The following CAMK4 variants were observed in gnomAD, a reference collection of about 807,000 sequenced individuals.
CAMK4 encodes calcium/calmodulin-dependent protein kinase type IV.
CAMK4 carries 22 observed loss-of-function variants against 44.9 expected under a neutral mutation model. The ratio of observed to expected loss-of-function variants is 0.49; its 90% CI spans 0.35 to 0.70. The LOEUF (loss-of-function observed/expected upper bound fraction) is 0.70. Among genes scored for constraint, CAMK4 ranks in the 30% least tolerant of loss-of-function variants. The probability of loss-of-function intolerance (pLI) is 0.01; values close to 1 mark genes in which losing one functional copy is unlikely to be tolerated. For synonymous variants in CAMK4, 218 were observed against 215.4 expected, an observed-to-expected ratio of 1.01 and a Z score of -0.11; for missense variants, 498 against 586.8, an observed-to-expected ratio of 0.85 and a Z score of 1.56.
intron 1 of CAMK4, among the ~76,000 whole-genome samples, chr5:111,282,114 T>A (rs891589596): frequency 6.6e-6 from 1 of 152,148 alleles, no homozygotes; most frequent in African/African-American, 2.4e-5. Context: ...ATTTATTGCA[T>A]TTTTTCTTCA....
intron 7 of CAMK4, among the ~76,000 whole-genome samples, chr5:111,458,732 T>A (rs533877314): frequency 6.6e-6 from 1 of 151,958 alleles, no homozygotes; most frequent in East Asian, 1.9e-4. Flanking sequence ...AAGCAAAAAT[T>A]TGAGAGAGGA....
At chr5:111,342,913 C>T (rs59089264) in intron 1 of CAMK4, among the ~76,000 whole-genome samples, 18,861 of 151,428 alleles carry the variant, frequency 0.12, 2,119 homozygotes, top group African/African-American at 0.29. Context: ...CTGTTGTTGT[C>T]GTACATTTTT....
At chr5:111,478,105 T>A (rs1048915710) in intron 8 of CAMK4, among the ~76,000 whole-genome samples, 1 of 151,144 alleles carries the variant, frequency 6.6e-6, no homozygotes, top group Non-Finnish European at 1.5e-5. Context: ...AGAATTATAA[T>A]AATAATTATT....
rs1175588932 is a variant in CAMK4, at chr5:111,491,515, A to G, written c.*7049A>G. On this transcript the variant is annotated 3_prime_UTR_variant, in exon 11 of 11. Coordinates refer to ENST00000282356, the MANE Select transcript of CAMK4 (RefSeq NM_001744.6). ...AGGAAAATTTTGTTTTATGTTGCAGATGCTCTCACAACAATAATTGTGCTG... is the reference window on the plus strand; with the variant it reads ...AGGAAAATTTTGTTTTATGTTGCAGGTGCTCTCACAACAATAATTGTGCTG... The G allele has an allele frequency of 6.6e-6, 1 of 151,760 alleles. No homozygotes were observed. The highest frequency in any genetic ancestry group is 6.6e-5 in the Admixed American group (1 of 15,196). 9.4% of individuals were successfully genotyped at this position (151,760 alleles called of 1,614,324 possible).
intron 1 of CAMK4, among the ~76,000 whole-genome samples, chr5:111,226,217 G>T (rs1304741799): frequency 6.6e-6 from 1 of 152,120 alleles, no homozygotes; most frequent in Non-Finnish European, 1.5e-5. Context: ...TTGTCTTTAT[G>T]AATAAGCTTC....
chr5:111,347,541 A>G (rs560361216), intron 2 of CAMK4, among the ~76,000 whole-genome samples: 1 of 151,970 alleles, frequency 6.6e-6, no homozygotes, highest in Non-Finnish European at 1.5e-5. Flanking sequence ...TTTTTCTTTT[A>G]TCTCCATGCT....
intron 5 of CAMK4, among the ~76,000 whole-genome samples, chr5:111,423,022 G>A (rs1028991584): frequency 6.6e-6 from 1 of 152,034 alleles, no homozygotes; most frequent in African/African-American, 2.4e-5. Context: ...TTCATACCAC[G>A]GAACAGGCAC....
chr5:111,236,698 G>A (rs1238000816), intron 1 of CAMK4, among the ~76,000 whole-genome samples: 1 of 152,184 alleles, frequency 6.6e-6, no homozygotes, highest in African/African-American at 2.4e-5. Context: ...GAAAGTTTCT[G>A]CCCTTTCCCC....
chr5:111,247,081 G>C (rs1749274459), intron 1 of CAMK4, among the ~76,000 whole-genome samples: 2 of 151,852 alleles, frequency 1.3e-5, no homozygotes, highest in Admixed American at 6.6e-5. Flanking sequence ...GAGTTTAGTA[G>C]AGAAAAACAG....
rs938934917 is a variant in CAMK4, at chr5:111,489,834, G to A, written c.*5368G>A. 2 of 152,122 alleles carry A rather than the reference G, an allele frequency of 1.3e-5. No individual in the cohort carries two copies. The highest frequency in any genetic ancestry group is 4.8e-5 in the African/African-American group (2 of 41,426). 9.4% of individuals were successfully genotyped at this position (152,122 alleles called of 1,614,324 possible). On this transcript the variant is annotated 3_prime_UTR_variant, in exon 11 of 11. Transcript: ENST00000282356. The stretch of plus-strand genomic sequence containing the variant: ...CAGTGGGTTACTCTTTTCTTGTCTT[G>A]GTTTGCTATGCCTTATCCCAGATCA...
chr5:111,361,205 T>A (rs1750578626), intron 2 of CAMK4, among the ~76,000 whole-genome samples: 1 of 152,048 alleles, frequency 6.6e-6, no homozygotes, highest in South Asian at 2.1e-4. Flanking sequence ...TGTTAATACT[T>A]TCAGGAGTAT....
intron 1 of CAMK4, among the ~76,000 whole-genome samples, chr5:111,327,595 CA>C (rs1261843267): frequency 3.3e-5 from 5 of 152,128 alleles, no homozygotes; most frequent in African/African-American, 1.2e-4. Context: ...CTGACTTCCA[CA>C]ATGGTTGAAC....
At chr5:111,428,927 G>C (rs1454304050) in intron 5 of CAMK4, among the ~76,000 whole-genome samples, 2 of 152,054 alleles carry the variant, frequency 1.3e-5, no homozygotes, top group Admixed American at 1.3e-4. Flanking sequence ...GAAAGGTCAA[G>C]AAATATCTTG....
chr5:111,269,631 A>C lies in CAMK4; in HGVS notation c.161+44987A>C, dbSNP rs113539106. Among the ~76,000 whole-genome samples, 191 of 152,252 alleles carry C rather than the reference A, an allele frequency of 1.3e-3. No homozygotes were observed. The Middle Eastern group carries it at 0.017, about 14-fold the overall frequency. ...TCCCTGGTCCCAGCAGTTTGCCTGC[A>C]TACTCAGCTTATTTTATCTCACATC... On this transcript the variant is annotated intron_variant, in intron 1 of 10. Coordinates refer to ENST00000282356, the MANE Select transcript of CAMK4 (RefSeq NM_001744.6).
At chr5:111,283,706 CT>C (rs953168374) in intron 1 of CAMK4, among the ~76,000 whole-genome samples, 57 of 152,112 alleles carry the variant, frequency 3.7e-4, no homozygotes, top group African/African-American at 1.3e-3. Context: ...CAACAATAAC[CT>C]TTTTTTTCAT....
intron 7 of CAMK4, among the ~76,000 whole-genome samples, chr5:111,450,590 C>G (rs1191717227): frequency 1.4e-5 from 1 of 71,314 alleles, no homozygotes; most frequent in Non-Finnish European, 3.0e-5. Flanking sequence ...GAGTTTGGGA[C>G]CAGCCTGGCC....
chr5:111,390,478 A>C (rs1751758531), intron 4 of CAMK4, among the ~76,000 whole-genome samples: 1 of 152,192 alleles, frequency 6.6e-6, no homozygotes, highest in Non-Finnish European at 1.5e-5. Flanking sequence ...TCTTGTCACA[A>C]TATCTAAAGA....
chr5:111,447,759 G>T (rs1754080196), intron 6 of CAMK4, among the ~76,000 whole-genome samples: 1 of 152,166 alleles, frequency 6.6e-6, no homozygotes, highest in South Asian at 2.1e-4. Context: ...TAACAATTAA[G>T]TTGTTCATAT....
rs373356941 is a variant in CAMK4 at position 111,318,985 on chromosome 5, A to G, written c.162-25039A>G. Among the ~76,000 whole-genome samples the G allele has an allele frequency of 3.9e-5, 6 of 152,134 alleles. No homozygotes were observed. In the East Asian group the frequency reaches 5.8e-4, roughly 15 times the overall value. The stretch of plus-strand genomic sequence containing the variant: ...CCTCCCTTTTCTTCCTTCCCTTCTT[A>G]GAGGATTTAAGACATTGTTATGATA... On this transcript the variant is annotated intron_variant, in intron 1 of 10. Coordinates refer to ENST00000282356, the MANE Select transcript of CAMK4 (RefSeq NM_001744.6).
Sources: allele counts gnomAD v4.1 joint callset (sites outside exome capture counted in the v4.1 genomes callset), GRCh38; gene constraint gnomAD v4.1.1; transcripts MANE v1.5; gene names NCBI Gene and HGNC (gene_info 2026-07-23, HGNC 2026-07-21).